IL19: variants seen among roughly 807,000 people sequenced by gnomAD.
The protein encoded by IL19 is interleukin-19.
Under a neutral mutation model 19.5 loss-of-function variants are expected in IL19, and 15 were observed. That is an observed-to-expected ratio of 0.77 (90% confidence interval 0.52 to 1.19). The LOEUF (loss-of-function observed/expected upper bound fraction) is 1.19, where lower values mean the gene tolerates loss of function less well. Among genes scored for constraint, IL19 ranks in the 50% most tolerant of loss-of-function variants. The probability of loss-of-function intolerance (pLI) is 0.00; values close to 1 mark genes in which losing one functional copy is unlikely to be tolerated. For missense variants in IL19, 199 were observed against 213.1 expected (o/e 0.93, Z 0.41); for synonymous variants, 78 against 78.3 (o/e 1.00, Z 0.02).
In IL19 at chr1:206,839,901, A is replaced by G; in HGVS notation, c.262A>G (p.Arg88Gly). 2.5e-6 allele frequency: 4 copies of G among 1,614,120 alleles called. No individual in the cohort carries two copies. The highest frequency in any genetic ancestry group is 3.4e-6 in the Non-Finnish European group (4 of 1,179,962). Residue 88 changes from arginine (R) to glycine (G), a missense_variant, in exon 5 of 7, where the codon AGG (arginine) becomes GGG (glycine). By Grantham distance (125) the Arg-to-Gly change is moderately radical. Transcript: ENST00000659997. ...TKNLLAFYVD[R>G]VFKDHQEPNP... ...GAACCTCCTGGCGTTCTACGTGGAC[A>G]GGGTGTTCAAGGATCATCAGGAGCC...
At chr1:206,827,497 T>C (rs567985354) in intron 2 of IL19, among the ~76,000 whole-genome samples, 138 of 152,232 alleles carry the variant, frequency 9.1e-4, no homozygotes, top group Non-Finnish European at 1.5e-3. Context: ...GAGACCATCC[T>C]GGCTAACACA....
chr1:206,821,435 A>G (rs960778273), intron 2 of IL19, among the ~76,000 whole-genome samples: 1 of 152,210 alleles, frequency 6.6e-6, no homozygotes, highest in African/African-American at 2.4e-5. Context: ...TGCGGCTTTC[A>G]GGTGTAGAGC....
At chr1:206,812,219 G>A (rs1201444738) in intron 2 of IL19, among the ~76,000 whole-genome samples, 1 of 152,136 alleles carries the variant, frequency 6.6e-6, no homozygotes, top group Non-Finnish European at 1.5e-5. Context: ...ACAGGTCTGC[G>A]AATCAGGGGT....
intron 1 of IL19, among the ~76,000 whole-genome samples, chr1:206,781,414 C>CAAAAAAAAAAAAAAAAAAAAAAAGAAAA (rs1675124363): frequency 2.3e-5 from 1 of 43,028 alleles, no homozygotes; most frequent in Non-Finnish European, 4.2e-5. Context: ...GACTCTGTCT[C>CAAAAAAAAAAAAAAAAAAAAAAAGAAAA]AAAAAAAAAA....
chr1:206,814,927 C>T (rs1416110416), intron 2 of IL19, among the ~76,000 whole-genome samples: 1 of 152,206 alleles, frequency 6.6e-6, no homozygotes, highest in Non-Finnish European at 1.5e-5. Context: ...TTCTGTGTCA[C>T]TAATCATCTG....
At chr1:206,782,954 TA>T (rs1331557079) in intron 1 of IL19, among the ~76,000 whole-genome samples, 2 of 152,182 alleles carry the variant, frequency 1.3e-5, no homozygotes, top group African/African-American at 4.8e-5. Flanking sequence ...ACATTGAAAA[TA>T]AAAACAGACA....
chr1:206,802,652 G>A (rs531818484), intron 2 of IL19, among the ~76,000 whole-genome samples: 10 of 152,102 alleles, frequency 6.6e-5, no homozygotes, highest in Admixed American at 3.9e-4. Flanking sequence ...ACATAATGAG[G>A]GTACAAATTT....
chr1:206,789,261 A>G (rs987345682), intron 1 of IL19, among the ~76,000 whole-genome samples: 10 of 152,206 alleles, frequency 6.6e-5, no homozygotes, highest in African/African-American at 2.4e-4. Context: ...GTCATTAGAC[A>G]CTATGGAACC....
At chr1:206,825,254 A>G (rs1201799999) in intron 2 of IL19, among the ~76,000 whole-genome samples, 1 of 152,228 alleles carries the variant, frequency 6.6e-6, no homozygotes, top group Admixed American at 6.5e-5. Context: ...TCTGTATTTA[A>G]ACATTGATCA....
chr1:206,814,611 T>C (rs557862680), intron 2 of IL19, among the ~76,000 whole-genome samples: 1 of 151,428 alleles, frequency 6.6e-6, no homozygotes. Context: ...TGAGAATCAC[T>C]TGAACCTGGG....
chr1:206,804,626 T>C (rs960153752), intron 2 of IL19, among the ~76,000 whole-genome samples: 10 of 152,124 alleles, frequency 6.6e-5, no homozygotes, highest in Non-Finnish European at 1.3e-4. Flanking sequence ...AGATTTGGGG[T>C]TTAAAAGTGT....
intron 2 of IL19, among the ~76,000 whole-genome samples, chr1:206,833,533 T>A (rs1056446206): frequency 1.3e-5 from 2 of 152,250 alleles, no homozygotes; most frequent in African/African-American, 4.8e-5. Context: ...GAAATTTTAT[T>A]TAATGGGAAG....
intron 2 of IL19, among the ~76,000 whole-genome samples, chr1:206,830,018 C>T (rs1403382371): frequency 6.6e-6 from 1 of 152,190 alleles, no homozygotes; most frequent in Non-Finnish European, 1.5e-5. Context: ...CAAGTCAGAA[C>T]AGCATGGCTT....
intron 1 of IL19, among the ~76,000 whole-genome samples, chr1:206,790,296 A>G (rs1391760315): frequency 1.3e-5 from 2 of 152,038 alleles, no homozygotes; most frequent in Non-Finnish European, 2.9e-5. Flanking sequence ...GAAAAATGTC[A>G]TCAGGGCACG....
chr1:206,781,904 CATATATATGTATATAGTTA>C (rs1675145525), intron 1 of IL19, among the ~76,000 whole-genome samples: 1 of 120,174 alleles, frequency 8.3e-6, no homozygotes, highest in South Asian at 2.4e-4. Flanking sequence ...GTTATATATA[CATATATATGTATATAGTTA>C]TATATACATA....
intron 1 of IL19, among the ~76,000 whole-genome samples, chr1:206,791,196 A>G (rs957678123): frequency 6.6e-6 from 1 of 152,078 alleles, no homozygotes; most frequent in Non-Finnish European, 1.5e-5. Flanking sequence ...ACAACTGTAG[A>G]GTTAGACAGA....
chr1:206,781,550 C>T (rs1475606777), intron 1 of IL19, among the ~76,000 whole-genome samples: 1 of 151,536 alleles, frequency 6.6e-6, no homozygotes, highest in Non-Finnish European at 1.5e-5. Flanking sequence ...GACTCTCAAT[C>T]CTCCCCATAC....
chr1:206,841,252 T>C (rs949446499), intron 6 of IL19, among the ~76,000 whole-genome samples, 174 bp downstream of exon 6: 1 of 152,232 alleles, frequency 6.6e-6, no homozygotes, highest in African/African-American at 2.4e-5. Flanking sequence ...CCTCATTTGC[T>C]AATCTCCTGG....
chr1:206,782,602 C>T (rs1675174091), intron 1 of IL19, among the ~76,000 whole-genome samples: 1 of 152,206 alleles, frequency 6.6e-6, no homozygotes, highest in Non-Finnish European at 1.5e-5. Flanking sequence ...AGTTTAGCAG[C>T]TCCTGTGAGC....
Sources: gnomAD v4.1 joint callset for allele counts (sites outside exome capture counted in the v4.1 genomes callset) on GRCh38, gnomAD v4.1.1 for gene constraint, MANE v1.5 for transcripts, NCBI Gene and HGNC (gene_info 2026-07-23, HGNC 2026-07-21) for gene names.